The following AMZ2 variants were observed in gnomAD, a reference collection of about 807,000 sequenced individuals.
The protein encoded by AMZ2 is archaemetzincin-2.
In AMZ2, 26 loss-of-function variants were observed where a neutral mutation model predicts 36.7. The ratio of observed to expected loss-of-function variants is 0.71; its 90% CI spans 0.52 to 0.98. The LOEUF is 0.98. Ranked by LOEUF, AMZ2 falls within the 50% of genes least tolerant of loss-of-function variation. The pLI is 0.00. For synonymous variants in AMZ2, 144 were observed against 149.1 expected (o/e 0.97, Z 0.25); for missense variants, 394 against 430.5 (o/e 0.92, Z 0.75).
At position 68,248,365 on chromosome 17, in the gene AMZ2, G is replaced by T; in HGVS notation, c.-341G>T. ...CCCACTCCACTCCCAGCTGGAGACT[G>T]GGTTGTGTCTGCATGGACCAGAGCC... On this transcript the variant is annotated 5_prime_UTR_variant, in exon 1 of 7. Coordinates refer to ENST00000359904, the MANE Select transcript of AMZ2 (RefSeq NM_016627.5). 3.0e-6 allele frequency: 3 copies of T among 986,056 alleles called. No homozygotes were observed. Among genetic ancestry groups the T allele is most frequent in the Non-Finnish European group, 3.6e-6 (3 of 830,094 alleles). The allele number at this position is 986,056 out of a possible 1,614,324, so 61.1% of individuals were successfully genotyped here.
chr17:68,226,030 G>A (rs1231746317), intron 1 of AMZ2, among the ~76,000 whole-genome samples: 3 of 152,094 alleles, frequency 2.0e-5, no homozygotes, highest in African/African-American at 7.2e-5. Context: ...GTATGAAAAG[G>A]GGGACGTGCT....
At chr17:68,211,710 ATATGTATATATATGTATATGTATATATG>A in intron 1 of AMZ2, among the ~76,000 whole-genome samples, 1 of 145,522 alleles carries the variant, frequency 6.9e-6, no homozygotes, top group East Asian at 1.9e-4. Context: ...GTATATATGT[ATATGTATATATATGTATATGTATATATG>A]TGTATATGTA....
At chr17:68,230,949 T>A (rs2073646717) in intron 1 of AMZ2, among the ~76,000 whole-genome samples, 1 of 152,244 alleles carries the variant, frequency 6.6e-6, no homozygotes, top group African/African-American at 2.4e-5. Context: ...GAAATAAATT[T>A]ACTTTTCAGA....
rs2074185647 is a variant in AMZ2, at chr17:68,248,473, A to C, written c.-233A>C. On this transcript the variant is annotated 5_prime_UTR_variant, in exon 1 of 7. Coordinates refer to ENST00000359904, the MANE Select transcript of AMZ2 (RefSeq NM_016627.5). ...CGTGATGTTCTGGTTTTGGGACCAA[A>C]GCATCCTAGGCCTCCAGCCCACTGC... The C allele has an allele frequency of 2.0e-6, 2 of 985,994 alleles. No individual in the cohort carries two copies. The highest frequency in any genetic ancestry group is 9.4e-5 in the South Asian group (2 of 21,302). 61.1% of individuals were successfully genotyped at this position (985,994 alleles called of 1,614,324 possible). A position where few individuals can be genotyped will look rare whatever the true frequency, so the allele number is the denominator to read the frequency against.
intron 1 of AMZ2, among the ~76,000 whole-genome samples, chr17:68,221,977 A>G (rs2073379854): frequency 6.6e-6 from 1 of 152,260 alleles, no homozygotes; most frequent in African/African-American, 2.4e-5. Flanking sequence ...GCCAGAGGCT[A>G]GAAGTAAAGT....
At chr17:68,213,421 C>A (rs2073116083) in intron 1 of AMZ2, among the ~76,000 whole-genome samples, 1 of 152,168 alleles carries the variant, frequency 6.6e-6, no homozygotes, top group African/African-American at 2.4e-5. Flanking sequence ...TCTTCCAGTT[C>A]TTAGAATTAG....
Position 68,209,197 on chromosome 17 carries a change from C to T in AMZ2, c.-67+2959C>T, listed in dbSNP as rs7218704. Among the ~76,000 whole-genome samples the T allele has an allele frequency of 3.4e-3, 489 of 142,014 alleles. 4 individuals carry two copies. The highest frequency in any genetic ancestry group is 0.012 in the African/African-American group (456 of 38,484). The allele number at this position is 142,014 out of a possible 152,430, so 93.2% of individuals were successfully genotyped here. On this transcript the variant is annotated intron_variant, in intron 1 of 7. Coordinates refer to the AMZ2 transcript ENST00000674770. ...AATTTTTGCCAACTTAATTTTAGTA[C>T]TTTTTTTTTTTTTTTTGATGGAGTC... is the stretch of plus-strand genomic sequence containing the variant.
chr17:68,247,604 G>C (rs1234252119), upstream of AMZ2: 14 of 982,536 alleles, frequency 1.4e-5, no homozygotes, highest in African/African-American at 1.7e-5. Context: ...TGAGGGTGAC[G>C]GCCCCGGGGA....
chr17:68,216,577 A>G (rs1243744328), intron 1 of AMZ2, among the ~76,000 whole-genome samples: 8 of 152,320 alleles, frequency 5.3e-5, no homozygotes, highest in Admixed American at 5.2e-4. Context: ...ATTTTATGAG[A>G]GTATTTTCAA....
chr17:68,223,414 G>T (rs2073419712), intron 1 of AMZ2, among the ~76,000 whole-genome samples: 1 of 152,136 alleles, frequency 6.6e-6, no homozygotes, highest in Admixed American at 6.5e-5. Context: ...GCCTTACTGT[G>T]CTCCATTTCT....
chr17:68,218,296 A>G (rs2073254277), intron 1 of AMZ2, among the ~76,000 whole-genome samples: 1 of 152,186 alleles, frequency 6.6e-6, no homozygotes, highest in Admixed American at 6.5e-5. Context: ...GGCAGATAAG[A>G]TTAGCATGTT....
chr17:68,232,035 T>C (rs1555731365), intron 1 of AMZ2, among the ~76,000 whole-genome samples: 1 of 141,542 alleles, frequency 7.1e-6, no homozygotes, highest in Non-Finnish European at 1.5e-5. Context: ...AGAAGAAATA[T>C]AAAGTTCTAA....
At chr17:68,221,215 C>CA (rs1401830519) in intron 1 of AMZ2, among the ~76,000 whole-genome samples, 4 of 91,260 alleles carry the variant, frequency 4.4e-5, no homozygotes, top group South Asian at 5.5e-4. Context: ...CAGCTCCCCC[C>CA]CCCGCCCCCC....
At chr17:68,232,495 CAAAAA>C (rs139890887) in intron 1 of AMZ2, among the ~76,000 whole-genome samples, 1 of 106,904 alleles carries the variant, frequency 9.4e-6, no homozygotes. Flanking sequence ...GACCCTATCT[CAAAAA>C]AAAAAAAAAA....
At chr17:68,253,807 G>A (rs2074680656) in intron 4 of AMZ2, among the ~76,000 whole-genome samples, 1 of 151,000 alleles carries the variant, frequency 6.6e-6, no homozygotes, top group Non-Finnish European at 1.5e-5. Context: ...AGGCTGGAGT[G>A]CAATGGTGCG....
intron 1 of AMZ2, among the ~76,000 whole-genome samples, chr17:68,239,799 A>AC (rs55960445): frequency 0.32 from 48,405 of 151,830 alleles, 7,935 homozygotes; most frequent in Admixed American, 0.43. Context: ...TGCACACAGA[A>AC]CCCCCCACCA....
At chr17:68,219,698 A>ATTTTT (rs71142147) in intron 1 of AMZ2, among the ~76,000 whole-genome samples, 13 of 141,864 alleles carry the variant, frequency 9.2e-5, no homozygotes, top group Non-Finnish European at 9.2e-5. Context: ...CATCTGGCAA[A>ATTTTT]TTTTTTTTTT....
intron 1 of AMZ2, among the ~76,000 whole-genome samples, chr17:68,239,085 C>T: frequency 6.6e-6 from 1 of 152,180 alleles, no homozygotes; most frequent in East Asian, 1.9e-4. Context: ...TGCCGTTCAA[C>T]TTCCACTGAA....
chr17:68,232,829 CT>C (rs1169839026), intron 1 of AMZ2, among the ~76,000 whole-genome samples: 1 of 152,084 alleles, frequency 6.6e-6, no homozygotes, highest in Non-Finnish European at 1.5e-5. Flanking sequence ...GAGCAAGACT[CT>C]GTCTCAAAAA....
Sources: gnomAD v4.1 joint callset for allele counts (sites outside exome capture counted in the v4.1 genomes callset) on GRCh38, gnomAD v4.1.1 for gene constraint, MANE v1.5 for transcripts, NCBI Gene and HGNC (gene_info 2026-07-23, HGNC 2026-07-21) for gene names.